Variants in RAB2A observed in about 807,000 individuals in gnomAD.
RAB2A encodes the protein RAB2A, member RAS oncogene family.
In RAB2A, 7 loss-of-function variants were observed where a neutral mutation model predicts 32.5. That is an observed-to-expected ratio of 0.22 (90% confidence interval 0.12 to 0.40). The LOEUF (loss-of-function observed/expected upper bound fraction) is 0.40, where lower values mean the gene tolerates loss of function less well. Ranked by LOEUF, RAB2A falls within the 10% of genes least tolerant of loss-of-function variation. The pLI is 1.00. For synonymous variants in RAB2A, 79 were observed against 85.2 expected (o/e 0.93, Z 0.40); for missense variants, 108 against 260.7 (o/e 0.41, Z 4.03).
intron 1 of RAB2A, among the ~76,000 whole-genome samples, chr8:60,524,904 A>C (rs890373853): frequency 6.6e-6 from 1 of 152,082 alleles, no homozygotes; most frequent in African/African-American, 2.4e-5. Context: ...GCCAGACTGA[A>C]TTTGTATGGA....
intron 2 of RAB2A, among the ~76,000 whole-genome samples, chr8:60,566,367 T>C (rs917008751): frequency 6.6e-6 from 1 of 152,234 alleles, no homozygotes; most frequent in East Asian, 1.9e-4. Flanking sequence ...ATTTTTCGTA[T>C]GTTTAAGAAC....
intron 1 of RAB2A, among the ~76,000 whole-genome samples, chr8:60,549,161 C>T (rs1307934045): frequency 6.7e-6 from 1 of 150,374 alleles, no homozygotes; most frequent in African/African-American, 2.5e-5. Flanking sequence ...CCAGACTGGG[C>T]AGCCAGGCAG....
At chr8:60,573,645 T>C (rs1808228077) in intron 3 of RAB2A, among the ~76,000 whole-genome samples, 1 of 152,216 alleles carries the variant, frequency 6.6e-6, no homozygotes, top group South Asian at 2.1e-4. Context: ...ACATTTGATT[T>C]ACATTCTCTC....
At chr8:60,543,197 C>G (rs1050033803) in intron 1 of RAB2A, among the ~76,000 whole-genome samples, 1 of 152,190 alleles carries the variant, frequency 6.6e-6, no homozygotes, top group South Asian at 2.1e-4. Context: ...AGCTTACGAG[C>G]TTGGTGGCTT....
chr8:60,573,009 T>C (rs1453669882), intron 3 of RAB2A, among the ~76,000 whole-genome samples: 1 of 152,248 alleles, frequency 6.6e-6, no homozygotes, highest in Admixed American at 6.5e-5. Flanking sequence ...TGGATTCTCA[T>C]ACCTGCTTCT....
At chr8:60,548,679 C>T (rs1194596780) in intron 1 of RAB2A, among the ~76,000 whole-genome samples, 2 of 146,144 alleles carry the variant, frequency 1.4e-5, no homozygotes, top group African/African-American at 2.6e-5. Context: ...GAGTGGCTGG[C>T]CGGGCAGAGG....
At chr8:60,561,609 A>G (rs1808026907) in intron 2 of RAB2A, among the ~76,000 whole-genome samples, 1 of 152,134 alleles carries the variant, frequency 6.6e-6, no homozygotes, top group African/African-American at 2.4e-5. Flanking sequence ...GGAAATGGCC[A>G]TTGTCAATAA....
intron 1 of RAB2A, among the ~76,000 whole-genome samples, chr8:60,549,119 G>A (rs1428203934): frequency 6.6e-6 from 1 of 150,458 alleles, no homozygotes; most frequent in African/African-American, 2.5e-5. Flanking sequence ...TCCTAGATGG[G>A]ATGGCGGCCG....
intron 5 of RAB2A, among the ~76,000 whole-genome samples, chr8:60,586,496 A>G (rs1803850706): frequency 6.6e-6 from 1 of 152,150 alleles, no homozygotes; most frequent in African/African-American, 2.4e-5. Flanking sequence ...TCAGGAAAGA[A>G]AGGTTGACAT....
intron 6 of RAB2A, among the ~76,000 whole-genome samples, chr8:60,598,937 CA>C (rs56406651): frequency 9.6e-3 from 388 of 40,304 alleles, no homozygotes; most frequent in African/African-American, 0.02. Flanking sequence ...TGCAGTAAAG[CA>C]AAAAAAAAAA....
At chr8:60,529,897 A>G (rs1454807707) in intron 1 of RAB2A, among the ~76,000 whole-genome samples, 1 of 152,104 alleles carries the variant, frequency 6.6e-6, no homozygotes, top group African/African-American at 2.4e-5. Context: ...TTGTGGGTGG[A>G]AGGTGTATAC....
chr8:60,574,451 G>T (rs1029119274), intron 3 of RAB2A, among the ~76,000 whole-genome samples: 1 of 152,188 alleles, frequency 6.6e-6, no homozygotes, highest in Non-Finnish European at 1.5e-5. Context: ...AGGGTCACTG[G>T]ATGTGTTCAG....
intron 6 of RAB2A, among the ~76,000 whole-genome samples, chr8:60,610,129 C>G (rs537045286): frequency 6.6e-6 from 1 of 151,908 alleles, no homozygotes; most frequent in Non-Finnish European, 1.5e-5. Context: ...TTCCCAGAAG[C>G]CTTATGCTTA....
chr8:60,540,694 C>A (rs952110162), intron 1 of RAB2A, among the ~76,000 whole-genome samples: 2 of 152,222 alleles, frequency 1.3e-5, no homozygotes, highest in African/African-American at 4.8e-5. Context: ...GTTGGCCAGG[C>A]TGGCCTGGAA....
chr8:60,600,835 TATC>T (rs1379968866), intron 6 of RAB2A, among the ~76,000 whole-genome samples: 1 of 152,228 alleles, frequency 6.6e-6, no homozygotes, highest in Non-Finnish European at 1.5e-5. Context: ...GATCCTGTAT[TATC>T]CCATCTGTGT....
chr8:60,558,390 G>C (rs759445791), intron 1 of RAB2A: 18 of 492,942 alleles, frequency 3.7e-5, no homozygotes, highest in South Asian at 2.7e-4. Context: ...ATGAATTAGC[G>C]AGAAAACAGA....
chr8:60,612,925 A>C (rs1023916919), intron 6 of RAB2A, among the ~76,000 whole-genome samples: 1 of 152,172 alleles, frequency 6.6e-6, no homozygotes, highest in African/African-American at 2.4e-5. Context: ...GCCTTGAAAT[A>C]CAGTTTAAAA....
chr8:60,581,499 G>T (rs1803750585), intron 3 of RAB2A, among the ~76,000 whole-genome samples: 1 of 152,148 alleles, frequency 6.6e-6, no homozygotes, highest in South Asian at 2.1e-4. Flanking sequence ...ATTATTTCTG[G>T]ACTTTTCCAT....
chr8:60,594,051 T>C (rs1443690334), intron 6 of RAB2A, among the ~76,000 whole-genome samples: 3 of 152,086 alleles, frequency 2.0e-5, no homozygotes, highest in Non-Finnish European at 4.4e-5. Context: ...AACTGGATGA[T>C]AGAACAATAG....
Sources: allele counts gnomAD v4.1 joint callset (sites outside exome capture counted in the v4.1 genomes callset), GRCh38; gene constraint gnomAD v4.1.1; transcripts MANE v1.5; gene names NCBI Gene and HGNC (gene_info 2026-07-23, HGNC 2026-07-21).